CCT3: variants seen among roughly 807,000 people sequenced by gnomAD.
CCT3 encodes the protein chaperonin containing TCP1 subunit 3, also known as T-complex protein 1 subunit gamma.
CCT3 carries 10 observed loss-of-function variants against 65.3 expected under a neutral mutation model. That is an observed-to-expected ratio of 0.15 (90% CI 0.09 to 0.26). The LOEUF is 0.26. Ranked by LOEUF, CCT3 falls within the 10% of genes least tolerant of loss-of-function variation. The probability of loss-of-function intolerance (pLI) is 1.00; values close to 1 mark genes in which losing one functional copy is unlikely to be tolerated. For synonymous variants in CCT3, 225 were observed against 242.3 expected (o/e 0.93, Z 0.66); for missense variants, 626 against 708.7 (o/e 0.88, Z 1.33).
At chr1:156,319,065 C>T (rs1162388476) in intron 7 of CCT3, 48 bp from the exon 8 acceptor site, 18 of 1,493,456 alleles carry the variant, frequency 1.2e-5, no homozygotes, top group Non-Finnish European at 1.5e-5. Flanking sequence ...GAGACAATTT[C>T]TTAATTTCCT....
At chr1:156,321,479 C>T (rs1215900112) in intron 6 of CCT3, among the ~76,000 whole-genome samples, 1 of 152,160 alleles carries the variant, frequency 6.6e-6, no homozygotes, top group Non-Finnish European at 1.5e-5. Flanking sequence ...TGACCACCAA[C>T]TGGTCATCTT....
In CCT3 at chr1:156,334,901, G is replaced by A. The variant is rs1665270428; in HGVS notation, c.111C>T (p.Ile37=). ...INAAKTIADI[I]RTCLGPKSMM... ...TGGACTTGGGTCCCAAACATGTTCG[G>A]ATGATATCTGCAATAGTCTAATGGA... Residue 37 remains isoleucine, a synonymous_variant, in exon 3 of 14, where the codon ATC becomes ATT. Coordinates refer to ENST00000295688, the MANE Select transcript of CCT3 (RefSeq NM_005998.5). 3.1e-6 allele frequency: 5 copies of A among 1,613,960 alleles called. No individual in the cohort carries two copies. Among genetic ancestry groups the A allele is most frequent in the African/African-American group, 1.3e-5 (1 of 74,932 alleles).
chr1:156,309,448 C>T (rs1663977417), intron 13 of CCT3, 145 bp from the exon 14 acceptor site: 16 of 609,308 alleles, frequency 2.6e-5, no homozygotes, highest in East Asian at 8.7e-5. Context: ...TTTTTTGAGA[C>T]GCAGTTTCCC....
At chr1:156,322,780 A>G (rs1664612740) in intron 6 of CCT3, among the ~76,000 whole-genome samples, 1 of 152,084 alleles carries the variant, frequency 6.6e-6, no homozygotes. Flanking sequence ...AACTGCTTGA[A>G]GCCAGGGAGC....
chr1:156,309,865 C>T (rs1471174911), intron 13 of CCT3, among the ~76,000 whole-genome samples: 5 of 149,634 alleles, frequency 3.3e-5, no homozygotes, highest in African/African-American at 4.9e-5. Context: ...GGTAAAACCC[C>T]GTCTCTACTA....
intron 10 of CCT3, among the ~76,000 whole-genome samples, chr1:156,316,950 CTGCTCACTAA>C (rs1380598505): frequency 6.6e-6 from 1 of 152,156 alleles, no homozygotes; most frequent in African/African-American, 2.4e-5. Context: ...TAAGCACAAG[CTGCTCACTAA>C]TGGTTAGGGG....
chr1:156,312,057 C>G lies in CCT3; in HGVS notation c.1139G>C (p.Ser380Thr). ...CTGACTCACCGAGAGAATCTCTTTG[C>G]TAGCCCCCCGGAGGAGAATGGTGCA... Reference protein sequence around the residue: ...KACTILLRGASKEILSEVERN... With the variant: ...KACTILLRGATKEILSEVERN... The change falls in exon 11 of 14, where the codon AGC becomes ACC. Residue 380 changes from serine (S) to threonine (T), a missense_variant. Physicochemically the swap from Ser to Thr is moderately conservative, Grantham distance 58. Transcript: ENST00000295688. 1 of 1,611,246 alleles carries G rather than the reference C, an allele frequency of 6.2e-7. No homozygotes were observed. Among genetic ancestry groups the G allele is most frequent in the Non-Finnish European group, 8.5e-7 (1 of 1,178,754 alleles).
chr1:156,329,296 T>A (rs1319354080), intron 5 of CCT3, among the ~76,000 whole-genome samples: 2 of 143,572 alleles, frequency 1.4e-5, no homozygotes, highest in East Asian at 4.2e-4. Flanking sequence ...TCAGAACGTA[T>A]CCCCATCTTT....
At chr1:156,336,019 C>G (rs1665331274) in intron 1 of CCT3, 131 bp from the exon 2 acceptor site, 1 of 625,516 alleles carries the variant, frequency 1.6e-6, no homozygotes, top group South Asian at 2.3e-5. Context: ...TTATCAAACT[C>G]TACACTTTAA....
At chr1:156,325,369 A>G (rs1292051955) in intron 5 of CCT3, among the ~76,000 whole-genome samples, 1 of 152,054 alleles carries the variant, frequency 6.6e-6, no homozygotes, top group Non-Finnish European at 1.5e-5. Context: ...TTACAAAAAA[A>G]TTTAAAATTT....
rs760865431 is a variant in CCT3 at position 156,309,193 on chromosome 1, T to C, written c.*6A>G. The C allele has an allele frequency of 1.9e-6, 3 of 1,587,178 alleles. No individual in the cohort carries two copies. The highest frequency in any genetic ancestry group is 4.5e-5 in the East Asian group (2 of 44,736). On this transcript the variant is annotated 3_prime_UTR_variant, in exon 14 of 14. Coordinates refer to ENST00000295688, the MANE Select transcript of CCT3 (RefSeq NM_005998.5). ...TTCTGTGCATTGAAGTAGCCTTGCC[T>C]AGCACTCACTCCTGGCCAGCATCAG...
chr1:156,333,848 T>C (rs560498639), intron 4 of CCT3, among the ~76,000 whole-genome samples: 17 of 152,210 alleles, frequency 1.1e-4, no homozygotes, highest in Non-Finnish European at 8.8e-5. Context: ...GTGTATTACA[T>C]GAACTCAACT....
At chr1:156,313,804 C>T (rs888509818) in intron 10 of CCT3, among the ~76,000 whole-genome samples, 5 of 152,004 alleles carry the variant, frequency 3.3e-5, no homozygotes, top group African/African-American at 7.2e-5. Context: ...TGTAAAGAAC[C>T]GTCGGCTGGG....
chr1:156,323,826 G>C (rs1290339764), intron 6 of CCT3, among the ~76,000 whole-genome samples: 1 of 147,616 alleles, frequency 6.8e-6, no homozygotes, highest in African/African-American at 2.5e-5. Context: ...GCAATGGTGC[G>C]ATCCTGGCTC....
In CCT3 at chr1:156,310,951, C is replaced by T. The variant is rs944741352; in HGVS notation, c.1400G>A (p.Arg467Gln). ...ASTIRLLTSL[R>Q]AKHTQENCET... ...AGAAAAGCTTGGAGAGGAACTCACC[C>T]GAAGGGAGGTAAGTAGACGGATGGT... The change falls in exon 12 of 14, where the codon CGG becomes CAG. Residue 467 changes from arginine to glutamine, a missense_variant and splice_region_variant. Physicochemically the swap from Arg to Gln is conservative, Grantham distance 43 (BLOSUM62 1). Transcript: ENST00000295688. 8.1e-6 allele frequency: 13 copies of T among 1,613,394 alleles called. No homozygotes were observed. The highest frequency in any genetic ancestry group is 1.7e-5 in the Admixed American group (1 of 59,936).
In CCT3 at chr1:156,328,409, T is replaced by C. The variant is rs531969765; in HGVS notation, c.305-3320A>G. Among the ~76,000 whole-genome samples, 4 of 152,160 alleles carry C rather than the reference T, an allele frequency of 2.6e-5. No individual in the cohort carries two copies. The East Asian group carries it at 5.8e-4, about 22-fold the overall frequency. ...TGATGACAATGGCGGTTTTGTGGAA[T>C]AGAAAGGCGGGAAAGGTGGGGAAAA... On this transcript the variant is annotated intron_variant, in intron 5 of 13. Coordinates refer to ENST00000295688, the MANE Select transcript of CCT3 (RefSeq NM_005998.5).
intron 4 of CCT3, among the ~76,000 whole-genome samples, chr1:156,334,370 A>G (rs1385745001): frequency 6.6e-6 from 1 of 152,180 alleles, no homozygotes; most frequent in Non-Finnish European, 1.5e-5. Flanking sequence ...GGTGGGCTCG[A>G]AGACCAATCA....
intron 7 of CCT3, among the ~76,000 whole-genome samples, chr1:156,319,887 T>C (rs1196366379): frequency 6.6e-6 from 1 of 152,172 alleles, no homozygotes; most frequent in Non-Finnish European, 1.5e-5. Context: ...TTAATAGCAC[T>C]ACATAATAGA....
intron 1 of CCT3, chr1:156,336,976 A>G (rs1460525539): frequency 3.3e-6 from 2 of 607,620 alleles, no homozygotes; most frequent in Non-Finnish European, 4.6e-6. Flanking sequence ...ATGAATAATA[A>G]CTCTGAAAGG....
Sources: gnomAD v4.1 joint callset for allele counts (sites outside exome capture counted in the v4.1 genomes callset) on GRCh38, gnomAD v4.1.1 for gene constraint, MANE v1.5 for transcripts, NCBI Gene and HGNC (gene_info 2026-07-23, HGNC 2026-07-21) for gene names.